MYO16: variants seen among roughly 807,000 people sequenced by gnomAD.
MYO16 encodes the protein myosin XVI, also known as unconventional myosin-XVI.
In MYO16, 94 loss-of-function variants were observed where a neutral mutation model predicts 205.3. That is an observed-to-expected ratio of 0.46 (90% CI 0.39 to 0.54). MYO16 has a LOEUF of 0.54. Among genes scored for constraint, MYO16 ranks in the 20% least tolerant of loss-of-function variants. The probability of loss-of-function intolerance (pLI) is 0.00; values close to 1 mark genes in which losing one functional copy is unlikely to be tolerated. For synonymous variants in MYO16, 988 were observed against 954.0 expected, an observed-to-expected ratio of 1.04 and a Z score of -0.66; for missense variants, 2,315 against 2,387.5, an observed-to-expected ratio of 0.97 and a Z score of 0.63.
intron 23 of MYO16, among the ~76,000 whole-genome samples, chr13:109,020,613 A>G (rs9555543): frequency 0.39 from 58,933 of 152,002 alleles, 11,780 homozygotes; most frequent in East Asian, 0.66. Context: ...TTGTCTTCTT[A>G]ACAAGATCAA....
chr13:109,162,314 G>A lies in MYO16; in HGVS notation c.5165-2587G>A, dbSNP rs911600135. Among the ~76,000 whole-genome samples, 1 of 152,198 alleles carries A rather than the reference G, an allele frequency of 6.6e-6. No individual in the cohort carries two copies. The highest frequency in any genetic ancestry group is 1.5e-5 in the Non-Finnish European group (1 of 68,030). On this transcript the variant is annotated intron_variant, in intron 32 of 34. Coordinates refer to ENST00000457511, the MANE Select transcript of MYO16 (RefSeq NM_001198950.3). The surrounding 1 kb of genome is among the most constrained non-coding windows in gnomAD (Gnocchi z 4.6). ...CGTTTATTGCCACCAGGTGTAAGAG[G>A]ACTGTGCTCATTCAAAGCCTTGGGG...
chr13:108,675,580 A>G (rs989495091), intron 2 of MYO16, among the ~76,000 whole-genome samples: 11 of 152,148 alleles, frequency 7.2e-5, no homozygotes, highest in Admixed American at 4.6e-4. Flanking sequence ...AAAAAAATAT[A>G]CCTAGATGGA....
intron 27 of MYO16, among the ~76,000 whole-genome samples, chr13:109,078,812 C>T (rs937747165): frequency 7.9e-5 from 12 of 152,234 alleles, no homozygotes; most frequent in East Asian, 1.9e-4. Context: ...GAGTTTTGTA[C>T]GCAGTGCCCA....
At chr13:108,664,994 C>A (rs1881661881) in intron 1 of MYO16, among the ~76,000 whole-genome samples, 1 of 152,126 alleles carries the variant, frequency 6.6e-6, no homozygotes, top group South Asian at 2.1e-4. Context: ...TTATACTTAA[C>A]CACAGGTTTC....
rs1482040798 is a variant in MYO16 at position 109,207,907 on chromosome 13, T to A, written c.*1071T>A. ...TCGGCTGTCGGAAAGTTCTGAGCAGTGGCTCCAGACCACCTTGTCTTGCTA... is the reference window on the plus strand; with the variant it reads ...TCGGCTGTCGGAAAGTTCTGAGCAGAGGCTCCAGACCACCTTGTCTTGCTA... On this transcript the variant is annotated 3_prime_UTR_variant, in exon 35 of 35. Coordinates refer to ENST00000457511, the MANE Select transcript of MYO16 (RefSeq NM_001198950.3). The A allele has an allele frequency of 6.6e-6, 1 of 152,262 alleles. No homozygotes were observed. The highest frequency in any genetic ancestry group is 1.5e-5 in the Non-Finnish European group (1 of 68,050). The allele number at this position is 152,262 out of a possible 1,614,324, so 9.4% of individuals were successfully genotyped here.
At chr13:108,537,343 A>G in the MYO16 span, among the ~76,000 whole-genome samples, 2 of 152,012 alleles carry the variant, frequency 1.3e-5, no homozygotes, top group Non-Finnish European at 2.9e-5. Context: ...TTTCCTTTTT[A>G]TGGCTGCATA....
the MYO16 span, among the ~76,000 whole-genome samples, chr13:108,527,800 G>A: frequency 9.9e-5 from 15 of 152,210 alleles, no homozygotes; most frequent in African/African-American, 3.6e-4. Flanking sequence ...TGTTTGTTTT[G>A]CCTACCTTAT....
chr13:109,012,583 C>T (rs111677816), intron 22 of MYO16, among the ~76,000 whole-genome samples: 5 of 152,028 alleles, frequency 3.3e-5, no homozygotes, highest in Admixed American at 2.0e-4. Context: ...CCATCCCCCC[C>T]ACCCCTGGTC....
At chr13:108,911,090 C>T (rs1881242186) in intron 16 of MYO16, among the ~76,000 whole-genome samples, 1 of 143,938 alleles carries the variant, frequency 6.9e-6, no homozygotes, top group African/African-American at 2.7e-5. Flanking sequence ...GGTTGCTTCA[C>T]TCACCTTCAT....
At chr13:108,542,951 G>A in the MYO16 span, among the ~76,000 whole-genome samples, 1 of 151,618 alleles carries the variant, frequency 6.6e-6, no homozygotes, top group African/African-American at 2.4e-5. Flanking sequence ...ACACAGTTAT[G>A]GTTTTTTAAA....
intron 9 of MYO16, among the ~76,000 whole-genome samples, chr13:108,838,205 A>G (rs534044317): frequency 6.6e-5 from 10 of 152,260 alleles, no homozygotes; most frequent in Admixed American, 6.5e-4. Context: ...TCATAAAACA[A>G]ACAGACATTA....
At chr13:108,902,500 C>A (rs551252443) in intron 15 of MYO16, among the ~76,000 whole-genome samples, 1 of 152,216 alleles carries the variant, frequency 6.6e-6, no homozygotes, top group African/African-American at 2.4e-5. Context: ...AAATGAACAC[C>A]AGTGTGGTGG....
the MYO16 span, among the ~76,000 whole-genome samples, chr13:108,505,637 T>C: frequency 1.3e-5 from 2 of 152,180 alleles, no homozygotes; most frequent in East Asian, 3.8e-4. Context: ...TTTTTAGTCT[T>C]TTGATCATCT....
chr13:108,789,204 C>G (rs902569702), intron 5 of MYO16, among the ~76,000 whole-genome samples: 4 of 152,122 alleles, frequency 2.6e-5, no homozygotes, highest in African/African-American at 9.7e-5. Flanking sequence ...CCATTATCAC[C>G]AGGAACATCA....
Position 108,670,012 on chromosome 13 carries a change from G to A in MYO16, c.292+3863G>A, listed in dbSNP as rs140550889. On this transcript the variant is annotated intron_variant, in intron 2 of 34. Transcript: ENST00000457511. ...CCTAGATGATGGGTTGATAGGTGCA[G>A]CAAACCACCATGGCATATGTATACC... 7.1e-3 allele frequency among the ~76,000 whole-genome samples: 1,082 copies of A among 152,260 alleles called. 12 individuals carry two copies. Among genetic ancestry groups the A allele is most frequent in the African/African-American group, 0.024 (1,017 of 41,548 alleles).
At chr13:108,912,649 C>T (rs1376238096) in intron 16 of MYO16, among the ~76,000 whole-genome samples, 4 of 152,016 alleles carry the variant, frequency 2.6e-5, no homozygotes, top group Admixed American at 6.6e-5. Context: ...CCTTGAACAT[C>T]GCTAATTGAA....
At chr13:108,820,591 A>T (rs1875915370) in intron 8 of MYO16, among the ~76,000 whole-genome samples, 179 bp downstream of exon 8, 1 of 152,102 alleles carries the variant, frequency 6.6e-6, no homozygotes, top group Admixed American at 6.5e-5. Flanking sequence ...GATATAGGCG[A>T]TGTGAATAGC....
intron 12 of MYO16, among the ~76,000 whole-genome samples, chr13:108,880,138 C>T (rs914128911): frequency 2.0e-5 from 3 of 152,166 alleles, no homozygotes; most frequent in African/African-American, 7.2e-5. Flanking sequence ...GTTCATGTGT[C>T]TGTTGGCTGC....
intron 3 of MYO16, among the ~76,000 whole-genome samples, chr13:108,725,900 C>G (rs1397159414): frequency 6.6e-6 from 1 of 152,136 alleles, no homozygotes; most frequent in African/African-American, 2.4e-5. Flanking sequence ...GAGGCTGGAA[C>G]AGTAGTAGGG....
Sources: allele counts gnomAD v4.1 joint callset (sites outside exome capture counted in the v4.1 genomes callset), GRCh38; gene constraint gnomAD v4.1.1; non-coding constraint Gnocchi (gnomAD v3.1); transcripts MANE v1.5; gene names NCBI Gene and HGNC (gene_info 2026-07-23, HGNC 2026-07-21).